The following TAF3 variants were observed in gnomAD, a reference collection of about 807,000 sequenced individuals.
TAF3 encodes the protein TATA-box binding protein associated factor 3.
A neutral mutation model predicts 80.6 loss-of-function variants in TAF3; 7 were observed. The ratio of observed to expected loss-of-function variants is 0.09; its 90% CI spans 0.05 to 0.16. The LOEUF (loss-of-function observed/expected upper bound fraction) is 0.16, where lower values mean the gene tolerates loss of function less well. TAF3 is among the 10% of genes least tolerant of loss of function. TAF3 has a pLI of 1.00. For missense variants in TAF3, 921 were observed against 1,140.2 expected (o/e 0.81, Z 2.77); for synonymous variants, 444 against 446.1 (o/e 1.00, Z 0.06).
At chr10:7,930,478 A>G (rs1042879097) in intron 2 of TAF3, among the ~76,000 whole-genome samples, 1 of 152,218 alleles carries the variant, frequency 6.6e-6, no homozygotes, top group Non-Finnish European at 1.5e-5. Context: ...CTTCTGGAAC[A>G]AAAGGTAAAT....
At chr10:7,972,936 C>T (rs1236437170) in intron 3 of TAF3, among the ~76,000 whole-genome samples, 1 of 152,150 alleles carries the variant, frequency 6.6e-6, no homozygotes, top group Non-Finnish European at 1.5e-5. Context: ...AAGTGAATAG[C>T]TCCATGTAAG....
chr10:7,966,237 G>C (rs1295401210), intron 3 of TAF3, among the ~76,000 whole-genome samples: 1 of 152,164 alleles, frequency 6.6e-6, no homozygotes, highest in Non-Finnish European at 1.5e-5. Flanking sequence ...CATGTGTTTA[G>C]GATTATGCCT....
At chr10:7,939,425 G>T (rs568743704) in intron 2 of TAF3, among the ~76,000 whole-genome samples, 1 of 152,048 alleles carries the variant, frequency 6.6e-6, no homozygotes, top group South Asian at 2.1e-4. Context: ...AATGTAGCCC[G>T]CCAGTTAGCA....
intron 2 of TAF3, among the ~76,000 whole-genome samples, chr10:7,962,188 C>T (rs112236048): frequency 3.5e-4 from 54 of 152,326 alleles, no homozygotes; most frequent in African/African-American, 1.2e-3. Context: ...AGTCCTTGCT[C>T]AAGTCTTATA....
chr10:7,839,330 C>G (rs1165648423), intron 2 of TAF3, among the ~76,000 whole-genome samples: 2 of 152,162 alleles, frequency 1.3e-5, no homozygotes, highest in African/African-American at 4.8e-5. Context: ...CCAGGTCTTG[C>G]TTTCTCTTTA....
Position 8,016,456 on chromosome 10 carries a change from C to T in TAF3, c.*1705C>T, listed in dbSNP as rs1832105862. 2 of 152,068 alleles carry T rather than the reference C, an allele frequency of 1.3e-5. No individual in the cohort carries two copies. Among genetic ancestry groups the T allele is most frequent in the South Asian group, 4.1e-4 (2 of 4,822 alleles). 9.4% of individuals were successfully genotyped at this position (152,068 alleles called of 1,614,324 possible). On this transcript the variant is annotated 3_prime_UTR_variant, in exon 7 of 7. Transcript: ENST00000344293. Reference sequence around the variant, plus strand: ...TTCAAGAGGCCAGAATTTTTCTATCCCCGCTAAGAAACAAAGCATCTATGT... The same window carrying T: ...TTCAAGAGGCCAGAATTTTTCTATCTCCGCTAAGAAACAAAGCATCTATGT...
chr10:7,850,949 G>A (rs1837021227), intron 2 of TAF3, among the ~76,000 whole-genome samples: 1 of 152,066 alleles, frequency 6.6e-6, no homozygotes, highest in African/African-American at 2.4e-5. Flanking sequence ...CTCTGATTGT[G>A]TGTGCCAGTC....
intron 2 of TAF3, among the ~76,000 whole-genome samples, chr10:7,927,891 T>C (rs1437343244): frequency 2.0e-5 from 3 of 152,214 alleles, no homozygotes; most frequent in East Asian, 3.8e-4. Context: ...TAACGGGCTA[T>C]GTTTAAAAGT....
At chr10:7,861,000 C>T (rs1298159670) in intron 2 of TAF3, among the ~76,000 whole-genome samples, 1 of 151,068 alleles carries the variant, frequency 6.6e-6, no homozygotes, top group Non-Finnish European at 1.5e-5. Context: ...CTTGCTGTGT[C>T]GCCTGGGCTG....
intron 2 of TAF3, among the ~76,000 whole-genome samples, chr10:7,950,368 C>T (rs1838070841): frequency 6.6e-6 from 1 of 151,766 alleles, no homozygotes; most frequent in Admixed American, 6.6e-5. Flanking sequence ...TGGCACCTTC[C>T]AGAAGTTCGG....
chr10:7,995,237 G>T (rs2131430970), intron 4 of TAF3, among the ~76,000 whole-genome samples: 1 of 152,128 alleles, frequency 6.6e-6, no homozygotes, highest in Middle Eastern at 3.4e-3. Flanking sequence ...ACATGGTTAT[G>T]TCATCAGCTT....
rs912424700 is a variant in TAF3, at chr10:7,824,178, A to G, written c.167-140A>G. 19 of 997,996 alleles carry G rather than the reference A, an allele frequency of 1.9e-5. No homozygotes were observed. The Admixed American group carries it at 4.7e-4, about 25-fold the overall frequency. 61.8% of individuals were successfully genotyped at this position (997,996 alleles called of 1,614,324 possible). On this transcript the variant is annotated intron_variant, in intron 1 of 6. Coordinates refer to ENST00000344293, the MANE Select transcript of TAF3 (RefSeq NM_031923.4). ...ACATGATTCTGTGATACTCTTTAAAATCTATTAAATTCTTTCCAATAACTA... is the reference window on the plus strand; with the variant it reads ...ACATGATTCTGTGATACTCTTTAAAGTCTATTAAATTCTTTCCAATAACTA...
At chr10:7,907,213 TGCATCAGA>T (rs1249404289) in intron 2 of TAF3, among the ~76,000 whole-genome samples, 1 of 152,136 alleles carries the variant, frequency 6.6e-6, no homozygotes, top group Non-Finnish European at 1.5e-5. Flanking sequence ...GGGGTGCAGT[TGCATCAGA>T]GCTTCGCAAC....
rs1832032873 is a variant in TAF3 at position 8,009,552 on chromosome 10, T to C, written c.2568+222T>C. Among the ~76,000 whole-genome samples the C allele has an allele frequency of 6.6e-6, 1 of 151,988 alleles. No individual in the cohort carries two copies. The highest frequency in any genetic ancestry group is 2.4e-5 in the African/African-American group (1 of 41,386). On this transcript the variant is annotated intron_variant, in intron 5 of 6. Coordinates refer to ENST00000344293, the MANE Select transcript of TAF3 (RefSeq NM_031923.4). This position sits in a 1 kb window ranked among gnomAD's most constrained non-coding sequence, Gnocchi z 4.1. ...AACTCCTGGGCCCAAGCGATCCTCCTGCATTAGCTTCTCAAAGTGGTGGGG... is the reference window on the plus strand; with the variant it reads ...AACTCCTGGGCCCAAGCGATCCTCCCGCATTAGCTTCTCAAAGTGGTGGGG...
chr10:7,953,629 G>A (rs569985254), intron 2 of TAF3, among the ~76,000 whole-genome samples: 60 of 152,320 alleles, frequency 3.9e-4, no homozygotes, highest in Non-Finnish European at 7.5e-4. Flanking sequence ...ATGTGGCTCC[G>A]TGTGTACCTT....
At chr10:7,932,606 T>C (rs979842079) in intron 2 of TAF3, among the ~76,000 whole-genome samples, 1 of 152,042 alleles carries the variant, frequency 6.6e-6, no homozygotes, top group Non-Finnish European at 1.5e-5. Flanking sequence ...AGATCAGTTG[T>C]GTTAACCCCA....
At chr10:7,934,592 C>G (rs906004878) in intron 2 of TAF3, among the ~76,000 whole-genome samples, 6 of 152,026 alleles carry the variant, frequency 3.9e-5, no homozygotes, top group Non-Finnish European at 8.8e-5. Flanking sequence ...TTACAAGCAC[C>G]CGCCACCACG....
At chr10:7,905,096 A>C (rs1333967223) in intron 2 of TAF3, among the ~76,000 whole-genome samples, 1 of 152,150 alleles carries the variant, frequency 6.6e-6, no homozygotes, top group East Asian at 1.9e-4. Context: ...ATTTTCTTTG[A>C]GAATGTGAAG....
At chr10:7,944,393 T>G (rs1838005276) in intron 2 of TAF3, among the ~76,000 whole-genome samples, 1 of 152,166 alleles carries the variant, frequency 6.6e-6, no homozygotes, top group South Asian at 2.1e-4. Context: ...AGTTAGTCAG[T>G]AAGACCATCA....
Sources: allele counts gnomAD v4.1 joint callset (sites outside exome capture counted in the v4.1 genomes callset), GRCh38; gene constraint gnomAD v4.1.1; non-coding constraint Gnocchi (gnomAD v3.1); transcripts MANE v1.5; gene names NCBI Gene and HGNC (gene_info 2026-07-23, HGNC 2026-07-21).